MTOR: variants seen among roughly 807,000 people sequenced by gnomAD.
MTOR encodes the protein mechanistic target of rapamycin kinase.
MTOR carries 70 observed loss-of-function variants against 319.8 expected under a neutral mutation model. The observed-to-expected ratio is 0.22, with a 90% confidence interval of 0.18 to 0.27. The LOEUF is 0.27. Among genes scored for constraint, MTOR ranks in the 10% least tolerant of loss-of-function variants. MTOR has a pLI of 1.00. For missense variants in MTOR, 1,890 were observed against 3,274.4 expected, an observed-to-expected ratio of 0.58 and a Z score of 10.32; for synonymous variants, 1,183 against 1,211.4, an observed-to-expected ratio of 0.98 and a Z score of 0.49.
intron 26 of MTOR, among the ~76,000 whole-genome samples, chr1:11,204,318 A>G (rs1435663950): frequency 6.6e-6 from 1 of 152,232 alleles, no homozygotes; most frequent in African/African-American, 2.4e-5. Flanking sequence ...AGAGTTATAA[A>G]TAACTTTGTA....
chr1:11,172,973 T>C (rs966494859), intron 28 of MTOR, among the ~76,000 whole-genome samples: 2 of 151,674 alleles, frequency 1.3e-5, no homozygotes, highest in African/African-American at 4.8e-5. Flanking sequence ...GGTAAGAAGG[T>C]CACTGTCCAT....
Position 11,127,156 on chromosome 1 carries a change from A to C in MTOR, c.6217-12T>G. The C allele has an allele frequency of 4.3e-6, 7 of 1,613,498 alleles. No homozygotes were observed. Among genetic ancestry groups the C allele is most frequent in the Non-Finnish European group, 5.9e-6 (7 of 1,179,886 alleles). ...TCTCGACCATAGGCCTGAGAGAGAA[A>C]GCAGGCACGTTTTCAAGTTATCAAA... On this transcript the variant is annotated splice_polypyrimidine_tract_variant and intron_variant, in intron 44 of 57. Coordinates refer to ENST00000361445, the MANE Select transcript of MTOR (RefSeq NM_004958.4). This position sits in a 1 kb window ranked among gnomAD's most constrained non-coding sequence, Gnocchi z 5.5.
intron 19 of MTOR, among the ~76,000 whole-genome samples, chr1:11,217,601 CAG>C (rs1646514008): frequency 6.7e-6 from 1 of 148,676 alleles, no homozygotes; most frequent in African/African-American, 2.5e-5. Context: ...TTAGTAGAGA[CAG>C]GGTTTCACCG....
At chr1:11,222,151 C>T (rs1646685307) in intron 19 of MTOR, among the ~76,000 whole-genome samples, 1 of 151,780 alleles carries the variant, frequency 6.6e-6, no homozygotes, top group African/African-American at 2.4e-5. Flanking sequence ...TTCAAATTAC[C>T]TCAGTAGTTG....
Position 11,191,845 on chromosome 1 carries a change from C to G in MTOR, c.4253+7413G>C, listed in dbSNP as rs28990998. ...ACAAAAACAACCAACCAGGAAACAT[C>G]AACAAAACCAGACTCTATGAGATAT... On this transcript the variant is annotated intron_variant, in intron 28 of 57. Coordinates refer to ENST00000361445, the MANE Select transcript of MTOR (RefSeq NM_004958.4). 2.1e-3 allele frequency among the ~76,000 whole-genome samples: 326 copies of G among 152,292 alleles called. 4 individuals are homozygous for G. The highest frequency in any genetic ancestry group is 7.6e-3 in the African/African-American group (315 of 41,554).
chr1:11,212,968 G>A lies in MTOR; in HGVS notation c.3286-60C>T, dbSNP rs1646358145. ...TCAGGTCCCAAGTATCTAAGGACAC[G>A]CAGCGGGTGGTGGTGTAGACAATTC... On this transcript the variant is annotated intron_variant, in intron 21 of 57. Coordinates refer to ENST00000361445, the MANE Select transcript of MTOR (RefSeq NM_004958.4). The surrounding 1 kb of genome is among the most constrained non-coding windows in gnomAD (Gnocchi z 4.1). 8 of 1,325,292 alleles carry A rather than the reference G, an allele frequency of 6.0e-6. No homozygotes were observed. In the East Asian group the frequency reaches 1.4e-4, roughly 23 times the overall value. The allele number at this position is 1,325,292 out of a possible 1,614,324, so 82.1% of individuals were successfully genotyped here. A position where few individuals can be genotyped will look rare whatever the true frequency, so the allele number is the denominator to read the frequency against.
At chr1:11,234,375 C>T (rs778562059) in intron 13 of MTOR, 110 bp from the exon 14 acceptor site, 6 of 1,292,220 alleles carry the variant, frequency 4.6e-6, no homozygotes, top group South Asian at 4.3e-5. Flanking sequence ...CAGACCTCCA[C>T]GACAGATGAA....
chr1:11,114,616 C>T (rs1642067492), intron 52 of MTOR, 163 bp from the exon 53 acceptor site: 2 of 1,100,310 alleles, frequency 1.8e-6, no homozygotes, highest in South Asian at 3.2e-5. Flanking sequence ...CTGTGATCCA[C>T]AGGAAACCAG....
At chr1:11,226,912 TC>T (rs1225311869) in intron 19 of MTOR, among the ~76,000 whole-genome samples, 2 of 129,112 alleles carry the variant, frequency 1.5e-5, no homozygotes, top group African/African-American at 2.9e-5. Flanking sequence ...TAATTTTTCT[TC>T]CCCCCACCCC....
At chr1:11,217,562 G>A (rs532682839) in intron 19 of MTOR, among the ~76,000 whole-genome samples, 6 of 151,250 alleles carry the variant, frequency 4.0e-5, no homozygotes, top group East Asian at 3.9e-4. Context: ...CACCATGCCC[G>A]GCTAATTTTT....
In MTOR at chr1:11,107,153, T is replaced by A; in HGVS notation, c.*332A>T. 7.2e-7 allele frequency: 1 copy of A among 1,386,628 alleles called. No individual in the cohort carries two copies. The allele number at this position is 1,386,628 out of a possible 1,614,324, so 85.9% of individuals were successfully genotyped here. On this transcript the variant is annotated 3_prime_UTR_variant, in exon 58 of 58. Coordinates refer to ENST00000361445, the MANE Select transcript of MTOR (RefSeq NM_004958.4). ...GGTCATTCTTCCATCAGCAAGTACT[T>A]ATGATGAGTTCTCTTGTGAGTTAAG...
Position 11,109,827 on chromosome 1 carries a change from C to A in MTOR, c.7367-98G>T. On this transcript the variant is annotated intron_variant, in intron 54 of 57. Coordinates refer to ENST00000361445, the MANE Select transcript of MTOR (RefSeq NM_004958.4). This position sits in a 1 kb window ranked among gnomAD's most constrained non-coding sequence, Gnocchi z 4.0. ...TCTACGCACTCTATTCCTTTAACGCCTGCCCTACCTACCCTAAAGGGGAAA... is the reference window on the plus strand; with the variant it reads ...TCTACGCACTCTATTCCTTTAACGCATGCCCTACCTACCCTAAAGGGGAAA... 1.0e-5 allele frequency: 10 copies of A among 986,384 alleles called. No homozygotes were observed. The South Asian group carries it at 1.2e-4, about 12-fold the overall frequency. The allele number at this position is 986,384 out of a possible 1,614,324, so 61.1% of individuals were successfully genotyped here. A position where few individuals can be genotyped will look rare whatever the true frequency, so the allele number is the denominator to read the frequency against.
intron 26 of MTOR, among the ~76,000 whole-genome samples, chr1:11,203,838 G>A (rs1279601843): frequency 2.0e-5 from 3 of 152,142 alleles, no homozygotes; most frequent in Admixed American, 1.3e-4. Context: ...TTGAGCAACA[G>A]GGCAAGGCAG....
intron 6 of MTOR, among the ~76,000 whole-genome samples, chr1:11,250,698 T>C (rs554141860): frequency 6.6e-6 from 1 of 152,230 alleles, no homozygotes; most frequent in Non-Finnish European, 1.5e-5. Flanking sequence ...TGCCCAGCTC[T>C]CTCCCCAGAA....
chr1:11,110,923 A>G (rs940161676), intron 54 of MTOR, among the ~76,000 whole-genome samples: 2 of 152,164 alleles, frequency 1.3e-5, no homozygotes, highest in Admixed American at 6.5e-5. Context: ...TGTATGCTAC[A>G]GACAGCATAT....
chr1:11,248,217 G>C, intron 6 of MTOR, 123 bp from the exon 7 acceptor site: 1 of 1,001,938 alleles, frequency 1.0e-6, no homozygotes, highest in Non-Finnish European at 1.5e-6. Flanking sequence ...CAAAGTGAAG[G>C]GTGGCCACTC....
intron 29 of MTOR, among the ~76,000 whole-genome samples, chr1:11,160,379 C>T (rs916870450): frequency 6.6e-6 from 1 of 152,132 alleles, no homozygotes; most frequent in Non-Finnish European, 1.5e-5. Flanking sequence ...GGATTGTAGG[C>T]GTGAGCCACT....
intron 34 of MTOR, chr1:11,143,832 T>C (rs530157746): frequency 6.6e-6 from 1 of 152,324 alleles, no homozygotes; most frequent in Admixed American, 6.5e-5. Context: ...AAATGGTTTC[T>C]GGAGTGGTAA....
chr1:11,238,766 C>CTTTT (rs35144517), intron 11 of MTOR, 149 bp from the exon 12 acceptor site: 63 of 477,164 alleles, frequency 1.3e-4, no homozygotes, highest in East Asian at 2.2e-4. Context: ...CGGAACTCTT[C>CTTTT]TTTTTTTTTT....
Sources: gnomAD v4.1 joint callset for allele counts (sites outside exome capture counted in the v4.1 genomes callset) on GRCh38, gnomAD v4.1.1 for gene constraint, Gnocchi (gnomAD v3.1) non-coding constraint, MANE v1.5 for transcripts, NCBI Gene and HGNC (gene_info 2026-07-23, HGNC 2026-07-21) for gene names.